Variants in CNTNAP2 observed in about 807,000 individuals in gnomAD.
The protein encoded by CNTNAP2 is contactin-associated protein-like 2.
In CNTNAP2, 98 loss-of-function variants were observed where a neutral mutation model predicts 155.2. The ratio of observed to expected loss-of-function variants is 0.63; its 90% CI spans 0.54 to 0.75. The LOEUF (loss-of-function observed/expected upper bound fraction) is 0.75, where lower values mean the gene tolerates loss of function less well. CNTNAP2 is among the 30% of genes least tolerant of loss of function. The pLI, the probability that CNTNAP2 is intolerant of heterozygous loss-of-function variation, is 0.00. For synonymous variants in CNTNAP2, 651 were observed against 631.2 expected, an observed-to-expected ratio of 1.03 and a Z score of -0.47; for missense variants, 1,727 against 1,688.1, an observed-to-expected ratio of 1.02 and a Z score of -0.40.
At position 147,044,965 on chromosome 7, in the gene CNTNAP2, C is replaced by T. The variant is rs566443157; in HGVS notation, c.550+911C>T. ...CTGTGAAGGCGATACCAACACAGAACTGCTTTCAAGATTATCTCCAGTTGT... is the reference window on the plus strand; with the variant it reads ...CTGTGAAGGCGATACCAACACAGAATTGCTTTCAAGATTATCTCCAGTTGT... On this transcript the variant is annotated intron_variant, in intron 4 of 23. Transcript: ENST00000361727. 1.6e-4 allele frequency among the ~76,000 whole-genome samples: 25 copies of T among 152,236 alleles called. No homozygotes were observed. In the South Asian group the frequency reaches 5.0e-3, roughly 30 times the overall value.
chr7:146,705,279 C>T (rs1014029104), intron 1 of CNTNAP2, among the ~76,000 whole-genome samples: 6 of 152,042 alleles, frequency 3.9e-5, no homozygotes, highest in Non-Finnish European at 7.4e-5. Context: ...TTATAAACAA[C>T]GAATATGTAT....
chr7:147,542,295 C>G (rs1201767752), intron 11 of CNTNAP2, among the ~76,000 whole-genome samples: 1 of 121,318 alleles, frequency 8.2e-6, no homozygotes, highest in African/African-American at 3.1e-5. Flanking sequence ...TTGGATTGTT[C>G]AGTGGTAAAA....
intron 1 of CNTNAP2, among the ~76,000 whole-genome samples, chr7:146,684,681 A>T (rs906474040): frequency 7.2e-6 from 1 of 139,534 alleles, no homozygotes; most frequent in Non-Finnish European, 1.5e-5. Context: ...TAGCTCTGCC[A>T]GTTATTGACT....
intron 10 of CNTNAP2, among the ~76,000 whole-genome samples, chr7:147,468,640 G>A (rs1303991408): frequency 6.6e-6 from 1 of 152,132 alleles, no homozygotes; most frequent in African/African-American, 2.4e-5. Flanking sequence ...CAAATTGTAT[G>A]ACAGATTTGA....
chr7:147,677,856 A>G (rs766549280), intron 13 of CNTNAP2, among the ~76,000 whole-genome samples: 2 of 151,492 alleles, frequency 1.3e-5, no homozygotes, highest in Non-Finnish European at 3.0e-5. Context: ...TGGAGTTCCT[A>G]TCTTGTCTCA....
intron 8 of CNTNAP2, among the ~76,000 whole-genome samples, chr7:147,217,337 T>C (rs1187421241): frequency 1.3e-5 from 2 of 151,914 alleles, no homozygotes; most frequent in Non-Finnish European, 2.9e-5. Context: ...TATTCCTAGG[T>C]TACTGATTGT....
chr7:146,980,368 G>C (rs569618035), intron 3 of CNTNAP2, among the ~76,000 whole-genome samples: 3 of 152,312 alleles, frequency 2.0e-5, no homozygotes, highest in Admixed American at 2.0e-4. Context: ...ATAAGTCCTT[G>C]ATTGACAATG....
intron 1 of CNTNAP2, among the ~76,000 whole-genome samples, chr7:146,201,878 T>G (rs916815682): frequency 1.6e-4 from 25 of 152,106 alleles, no homozygotes; most frequent in African/African-American, 5.6e-4. Flanking sequence ...TAAAATAACA[T>G]CTTTGGACAG....
chr7:147,761,399 A>G (rs1265618729), intron 13 of CNTNAP2, among the ~76,000 whole-genome samples: 1 of 152,186 alleles, frequency 6.6e-6, no homozygotes, highest in African/African-American at 2.4e-5. Context: ...ATAAAAAATG[A>G]CATTCAAGTT....
chr7:148,417,376 C>G lies in CNTNAP2; in HGVS notation c.*1760C>G, dbSNP rs926968928. ...AGTACAGAGCACATTCCAAAGGAGA[C>G]ATTGGACCAGTTAATTCCCATACAA... On this transcript the variant is annotated 3_prime_UTR_variant, in exon 24 of 24. Transcript: ENST00000361727. The G allele has an allele frequency of 1.3e-5, 2 of 152,580 alleles. No homozygotes were observed. The highest frequency in any genetic ancestry group is 4.8e-5 in the African/African-American group (2 of 41,426). 9.5% of individuals were successfully genotyped at this position (152,580 alleles called of 1,614,324 possible).
chr7:147,732,963 A>G (rs1796769912), intron 13 of CNTNAP2, among the ~76,000 whole-genome samples: 1 of 151,918 alleles, frequency 6.6e-6, no homozygotes, highest in Non-Finnish European at 1.5e-5. Flanking sequence ...GATTGCAAAA[A>G]TTTTCTCCCA....
intron 9 of CNTNAP2, among the ~76,000 whole-genome samples, chr7:147,358,840 C>G (rs1423955495): frequency 1.3e-5 from 2 of 152,052 alleles, no homozygotes; most frequent in Non-Finnish European, 2.9e-5. Context: ...TTCATGTACT[C>G]CCTAAGCATA....
chr7:146,478,256 G>A (rs1424072094), intron 1 of CNTNAP2, among the ~76,000 whole-genome samples: 1 of 152,052 alleles, frequency 6.6e-6, no homozygotes, highest in Non-Finnish European at 1.5e-5. Context: ...AATGCAGAAA[G>A]AGGGATGCAG....
intron 8 of CNTNAP2, among the ~76,000 whole-genome samples, chr7:147,202,306 A>G (rs939032903): frequency 6.6e-6 from 1 of 152,058 alleles, no homozygotes; most frequent in Non-Finnish European, 1.5e-5. Flanking sequence ...AATCTGAAAC[A>G]GTAGAGAAAA....
At chr7:146,268,157 AC>A (rs986162723) in intron 1 of CNTNAP2, among the ~76,000 whole-genome samples, 1 of 152,192 alleles carries the variant, frequency 6.6e-6, no homozygotes, top group Non-Finnish European at 1.5e-5. Flanking sequence ...CTTTGGGAGA[AC>A]TTTTAACTTT....
chr7:148,314,179 A>T lies in CNTNAP2; in HGVS notation c.3475+47053A>T, dbSNP rs563619763. 5.9e-5 allele frequency among the ~76,000 whole-genome samples: 9 copies of T among 152,206 alleles called. 1 individual carries two copies. Among genetic ancestry groups the T allele is most frequent in the Admixed American group, 5.2e-4 (8 of 15,294 alleles). The stretch of plus-strand genomic sequence containing the variant: ...AAAGGAAGATTAGAAAGACTCAGCG[A>T]CACTTGGGGTTGGGACTAAGGGGAC... On this transcript the variant is annotated intron_variant, in intron 21 of 23. Coordinates refer to ENST00000361727, the MANE Select transcript of CNTNAP2 (RefSeq NM_014141.6).
At chr7:146,559,938 C>A (rs1333099420) in intron 1 of CNTNAP2, among the ~76,000 whole-genome samples, 1 of 152,146 alleles carries the variant, frequency 6.6e-6, no homozygotes, top group Non-Finnish European at 1.5e-5. Flanking sequence ...CATATCTATA[C>A]CTTTGTCATG....
At chr7:147,597,323 C>T (rs1309020543) in intron 12 of CNTNAP2, among the ~76,000 whole-genome samples, 1 of 152,106 alleles carries the variant, frequency 6.6e-6, no homozygotes, top group Non-Finnish European at 1.5e-5. Context: ...CCCCTCACTC[C>T]CAACCCAGCC....
intron 11 of CNTNAP2, among the ~76,000 whole-genome samples, chr7:147,510,869 A>ATATATATATATATATG (rs1279688720): frequency 7.0e-6 from 1 of 143,630 alleles, no homozygotes; most frequent in African/African-American, 2.6e-5. Flanking sequence ...ATATATATAT[A>ATATATATATATATATG]TAATGCTTCC....
Sources: allele counts gnomAD v4.1 joint callset (sites outside exome capture counted in the v4.1 genomes callset), GRCh38; gene constraint gnomAD v4.1.1; transcripts MANE v1.5; gene names NCBI Gene and HGNC (gene_info 2026-07-23, HGNC 2026-07-21).